The following AKAP8L variants were observed in gnomAD, a reference collection of about 807,000 sequenced individuals.
AKAP8L encodes the protein A-kinase anchor protein 8-like.
AKAP8L carries 34 observed loss-of-function variants against 77.5 expected under a neutral mutation model. The ratio of observed to expected loss-of-function variants is 0.44; its 90% CI spans 0.33 to 0.58. The LOEUF is 0.58. Among genes scored for constraint, AKAP8L ranks in the 20% least tolerant of loss-of-function variants. The pLI, the probability that AKAP8L is intolerant of heterozygous loss-of-function variation, is 0.02. For synonymous variants in AKAP8L, 342 were observed against 340.7 expected (o/e 1.00, Z -0.04); for missense variants, 806 against 887.6 (o/e 0.91, Z 1.17).
chr19:15,392,639 G>A (rs1403670328), intron 12 of AKAP8L, among the ~76,000 whole-genome samples: 3 of 151,358 alleles, frequency 2.0e-5, no homozygotes, highest in South Asian at 4.2e-4. Flanking sequence ...GCTCATGCCT[G>A]TAATCCCAGC....
Position 15,397,002 on chromosome 19 carries a change from C to T in AKAP8L, c.1536+148G>A. 4 of 1,111,622 alleles carry T rather than the reference C, an allele frequency of 3.6e-6. No homozygotes were observed. Among genetic ancestry groups the T allele is most frequent in the Non-Finnish European group, 5.2e-6 (4 of 765,532 alleles). The allele number at this position is 1,111,622 out of a possible 1,614,324, so 68.9% of individuals were successfully genotyped here. The stretch of plus-strand genomic sequence containing the variant: ...ACCCCTCTCTCTGTAGCTGTGCTGC[C>T]TGCACTGAGCTGGAAATGTCCATAT... On this transcript the variant is annotated intron_variant, in intron 12 of 13. Transcript: ENST00000397410. This position sits in a 1 kb window ranked among gnomAD's most constrained non-coding sequence, Gnocchi z 4.7.
intron 1 of AKAP8L, among the ~76,000 whole-genome samples, chr19:15,417,399 G>C (rs1216670568): frequency 1.3e-5 from 2 of 152,168 alleles, no homozygotes; most frequent in Non-Finnish European, 1.5e-5. Context: ...GGGCACTACT[G>C]ATGTTTGACG....
intron 12 of AKAP8L, among the ~76,000 whole-genome samples, chr19:15,389,368 C>T (rs1399340567): frequency 1.3e-5 from 2 of 151,662 alleles, no homozygotes; most frequent in African/African-American, 2.4e-5. Context: ...ATCCAACATA[C>T]GGGTAATGAG....
intron 1 of AKAP8L, among the ~76,000 whole-genome samples, chr19:15,418,013 C>G (rs552686430): frequency 6.6e-6 from 1 of 152,226 alleles, no homozygotes; most frequent in African/African-American, 2.4e-5. Flanking sequence ...GATCTTCTAA[C>G]AAGCCAGGCA....
chr19:15,413,105 G>A (rs1458933600), intron 1 of AKAP8L, among the ~76,000 whole-genome samples: 1 of 152,140 alleles, frequency 6.6e-6, no homozygotes, highest in Non-Finnish European at 1.5e-5. Context: ...TCCCTGCAGG[G>A]TGCTAAGAAC....
At chr19:15,381,020 C>T (rs1967402257) in intron 12 of AKAP8L, 1 of 171,636 alleles carries the variant, frequency 5.8e-6, no homozygotes, top group African/African-American at 2.4e-5. Context: ...AAAACAGGAA[C>T]AGATATTTAA....
At chr19:15,418,554 C>T (rs1023223407) in intron 1 of AKAP8L, among the ~76,000 whole-genome samples, 7 of 152,268 alleles carry the variant, frequency 4.6e-5, no homozygotes, top group Non-Finnish European at 5.9e-5. Context: ...TGCCTGCTCG[C>T]AAGGACCAAG....
rs1967829977 is a variant in AKAP8L, at chr19:15,398,828, G to C, written c.1157+474C>G. On this transcript the variant is annotated intron_variant, in intron 9 of 13. Coordinates refer to ENST00000397410, the MANE Select transcript of AKAP8L (RefSeq NM_014371.4). This position sits in a 1 kb window ranked among gnomAD's most constrained non-coding sequence, Gnocchi z 9.2. ...GCTCAGCCGCAGACAGGCCCGGCCTGACAGGGCCGGCGGGCAGGGCAGAAG... is the reference window on the plus strand; with the variant it reads ...GCTCAGCCGCAGACAGGCCCGGCCTCACAGGGCCGGCGGGCAGGGCAGAAG... The C allele has an allele frequency of 5.9e-6, 6 of 1,015,664 alleles. No individual in the cohort carries two copies. Among genetic ancestry groups the C allele is most frequent in the Non-Finnish European group, 7.1e-6 (6 of 847,916 alleles). 62.9% of individuals were successfully genotyped at this position (1,015,664 alleles called of 1,614,324 possible). A position where few individuals can be genotyped will look rare whatever the true frequency, so the allele number is the denominator to read the frequency against.
In AKAP8L at chr19:15,398,797, T is replaced by G; in HGVS notation, c.1157+505A>C. The G allele has an allele frequency of 1.0e-6, 1 of 1,001,680 alleles. No homozygotes were observed. Among genetic ancestry groups the G allele is most frequent in the Non-Finnish European group, 1.2e-6 (1 of 840,102 alleles). The allele number at this position is 1,001,680 out of a possible 1,614,324, so 62.0% of individuals were successfully genotyped here. ...GGCAGACAGACCCGACCAAGGGGCG[T>G]GAAGGGCTCAGCCGCAGACAGGCCC... On this transcript the variant is annotated intron_variant, in intron 9 of 13. Transcript: ENST00000397410. The surrounding 1 kb of genome is among the most constrained non-coding windows in gnomAD (Gnocchi z 9.2).
At chr19:15,407,583 C>G (rs1352042461) in intron 2 of AKAP8L, among the ~76,000 whole-genome samples, 3 of 152,146 alleles carry the variant, frequency 2.0e-5, no homozygotes, top group Non-Finnish European at 2.9e-5. Flanking sequence ...GGTAAACCTA[C>G]AAATCAAATA....
chr19:15,416,813 A>G (rs984628268), intron 1 of AKAP8L, among the ~76,000 whole-genome samples: 2 of 152,222 alleles, frequency 1.3e-5, no homozygotes, highest in African/African-American at 4.8e-5. Context: ...AAATAAGGTA[A>G]CAGGGTTCAA....
At position 15,403,767 on chromosome 19, in the gene AKAP8L, G is replaced by A. The variant is rs749369325; in HGVS notation, c.122-52C>T. 7.4e-5 allele frequency: 104 copies of A among 1,398,012 alleles called. No individual in the cohort carries two copies. The highest frequency in any genetic ancestry group is 1.0e-4 in the Non-Finnish European group (102 of 1,006,250). 86.6% of individuals were successfully genotyped at this position (1,398,012 alleles called of 1,614,324 possible). ...AGATGGTGGGGGCAGGCAGAGGGGAGGCAGACAGAGACAGAGACAAACACA... is the reference window on the plus strand; with the variant it reads ...AGATGGTGGGGGCAGGCAGAGGGGAAGCAGACAGAGACAGAGACAAACACA... On this transcript the variant is annotated intron_variant, in intron 3 of 13. Transcript: ENST00000397410. This position sits in a 1 kb window ranked among gnomAD's most constrained non-coding sequence, Gnocchi z 4.3.
chr19:15,406,811 T>TG (rs1296530228), intron 2 of AKAP8L, among the ~76,000 whole-genome samples: 2 of 152,198 alleles, frequency 1.3e-5, no homozygotes, highest in African/African-American at 4.8e-5. Context: ...TCACAGTATG[T>TG]GATATTTATG....
At chr19:15,395,719 T>G (rs564293413) in intron 12 of AKAP8L, among the ~76,000 whole-genome samples, 1 of 146,496 alleles carries the variant, frequency 6.8e-6, no homozygotes, top group African/African-American at 2.5e-5. Context: ...GCGCGGTGGC[T>G]CACGCCTGTA....
chr19:15,388,334 T>G (rs774282330), intron 12 of AKAP8L, among the ~76,000 whole-genome samples: 17 of 96,306 alleles, frequency 1.8e-4, no homozygotes, highest in Non-Finnish European at 3.0e-4. Context: ...TGAAAAATTA[T>G]GAGACATCCA....
In AKAP8L at chr19:15,397,323, A is replaced by C; in HGVS notation, c.1406-43T>G. On this transcript the variant is annotated intron_variant, in intron 11 of 13. Transcript: ENST00000397410. This position sits in a 1 kb window ranked among gnomAD's most constrained non-coding sequence, Gnocchi z 4.7. ...GAGTCACCACTGGGCCCAGGTGCCT[A>C]AGATAGACCCAGGTGTTCGAGAAAA... is the stretch of plus-strand genomic sequence containing the variant. 6.2e-7 allele frequency: 1 copy of C among 1,609,414 alleles called. No homozygotes were observed. Among genetic ancestry groups the C allele is most frequent in the Non-Finnish European group, 8.5e-7 (1 of 1,176,656 alleles).
intron 12 of AKAP8L, among the ~76,000 whole-genome samples, chr19:15,388,530 A>G (rs1817930312): frequency 6.6e-6 from 1 of 152,222 alleles, no homozygotes; most frequent in South Asian, 2.1e-4. Flanking sequence ...GATAGAAATG[A>G]TAATAATAAA....
At chr19:15,415,754 C>G (rs549534785) in intron 1 of AKAP8L, among the ~76,000 whole-genome samples, 2 of 151,928 alleles carry the variant, frequency 1.3e-5, no homozygotes, top group South Asian at 2.1e-4. Flanking sequence ...GGTGTGGTGG[C>G]GGGCACCTGT....
chr19:15,382,293 C>T (rs1967435434), intron 12 of AKAP8L, among the ~76,000 whole-genome samples: 1 of 152,114 alleles, frequency 6.6e-6, no homozygotes, highest in South Asian at 2.1e-4. Flanking sequence ...CCTCCGCCTC[C>T]CAGGTTTAGG....
Sources: allele counts gnomAD v4.1 joint callset (sites outside exome capture counted in the v4.1 genomes callset), GRCh38; gene constraint gnomAD v4.1.1; non-coding constraint Gnocchi (gnomAD v3.1); transcripts MANE v1.5; gene names NCBI Gene and HGNC (gene_info 2026-07-23, HGNC 2026-07-21).